KANK4: variants seen among roughly 807,000 people sequenced by gnomAD.
The protein encoded by KANK4 is KN motif and ankyrin repeat domains 4.
Under a neutral mutation model 80.8 loss-of-function variants are expected in KANK4, and 50 were observed. The observed-to-expected ratio is 0.62, with a 90% CI of 0.49 to 0.78. KANK4 has a LOEUF of 0.78. KANK4 is among the 30% of genes least tolerant of loss of function. KANK4 has a pLI of 0.00. For missense variants in KANK4, 1,196 were observed against 1,240.1 expected (o/e 0.96, Z 0.53); for synonymous variants, 465 against 506.9 (o/e 0.92, Z 1.11).
intron 6 of KANK4, among the ~76,000 whole-genome samples, chr1:62,263,700 C>T (rs1340246184): frequency 6.6e-6 from 1 of 152,202 alleles, no homozygotes; most frequent in Non-Finnish European, 1.5e-5. Context: ...TGACCTTTCC[C>T]CAGACTCTAT....
chr1:62,302,198 G>A (rs755075606), intron 1 of KANK4, among the ~76,000 whole-genome samples: 14 of 152,040 alleles, frequency 9.2e-5, no homozygotes, highest in Non-Finnish European at 1.6e-4. Context: ...CTGTTTTCCA[G>A]TGCAATTCAG....
At chr1:62,295,879 T>C (rs1644359254) in intron 1 of KANK4, among the ~76,000 whole-genome samples, 1 of 152,224 alleles carries the variant, frequency 6.6e-6, no homozygotes, top group Non-Finnish European at 1.5e-5. Flanking sequence ...GATCTTTGCT[T>C]GCAGCCTCTG....
At chr1:62,253,427 TG>T (rs1368138129) in intron 7 of KANK4, among the ~76,000 whole-genome samples, 63 of 148,160 alleles carry the variant, frequency 4.3e-4, no homozygotes, top group Admixed American at 1.4e-3. Flanking sequence ...TTTTTTTTTT[TG>T]AGACAGAGTC....
chr1:62,250,054 T>C (rs1306349644), intron 8 of KANK4, among the ~76,000 whole-genome samples: 1 of 151,628 alleles, frequency 6.6e-6, no homozygotes, highest in Non-Finnish European at 1.5e-5. Flanking sequence ...GGCGTGATCT[T>C]GGCTCACTGC....
At chr1:62,318,919 G>T (rs1318642368) in intron 1 of KANK4, among the ~76,000 whole-genome samples, 187 bp downstream of exon 1, 1 of 152,194 alleles carries the variant, frequency 6.6e-6, no homozygotes, top group Non-Finnish European at 1.5e-5. Context: ...GCGCCAGGTC[G>T]GCCCAAGCTG....
At chr1:62,268,585 C>CT in intron 4 of KANK4, 80 bp from the exon 5 acceptor site, 2 of 1,131,420 alleles carry the variant, frequency 1.8e-6, no homozygotes, top group Non-Finnish European at 2.6e-6. Context: ...CTGGGTGGGC[C>CT]TCGGGTAACA....
intron 1 of KANK4, among the ~76,000 whole-genome samples, chr1:62,302,605 A>C (rs1251522498): frequency 6.6e-6 from 1 of 152,052 alleles, no homozygotes; most frequent in Non-Finnish European, 1.5e-5. Flanking sequence ...ATGTCCTCAT[A>C]AAAAAGTCCC....
intron 1 of KANK4, among the ~76,000 whole-genome samples, chr1:62,309,629 G>A (rs113492281): frequency 0.011 from 1,636 of 152,224 alleles, 21 homozygotes; most frequent in African/African-American, 0.037. Context: ...GGCTTTAAGT[G>A]CACTATCTCA....
chr1:62,239,081 AT>A (rs1271045401), intron 9 of KANK4, among the ~76,000 whole-genome samples: 3 of 120,802 alleles, frequency 2.5e-5, no homozygotes, highest in African/African-American at 9.6e-5. Flanking sequence ...TTTTTTTTTA[AT>A]TTTTTAAACC....
At chr1:62,260,558 A>ACACC (rs548224587) in intron 7 of KANK4, among the ~76,000 whole-genome samples, 60 of 152,198 alleles carry the variant, frequency 3.9e-4, no homozygotes, top group African/African-American at 1.4e-3. Context: ...TTCAGCCAAG[A>ACACC]CACCCCATCG....
chr1:62,277,602 T>C (rs1158612561), intron 2 of KANK4, among the ~76,000 whole-genome samples: 1 of 152,202 alleles, frequency 6.6e-6, no homozygotes, highest in African/African-American at 2.4e-5. Context: ...GGAAGCCAGC[T>C]GCCGTGTAAT....
intron 9 of KANK4, among the ~76,000 whole-genome samples, chr1:62,245,328 G>GAA (rs1316746509): frequency 6.6e-6 from 1 of 152,174 alleles, no homozygotes; most frequent in Non-Finnish European, 1.5e-5. Flanking sequence ...TCTTAGAAAT[G>GAA]GCTTTGGGGT....
At chr1:62,298,178 T>A (rs1644383009) in intron 1 of KANK4, 1 of 152,202 alleles carries the variant, frequency 6.6e-6, no homozygotes, top group Non-Finnish European at 1.5e-5. Context: ...TGAATTTTTG[T>A]GTCATTCCTT....
At chr1:62,314,923 C>T (rs1056852227) in intron 1 of KANK4, among the ~76,000 whole-genome samples, 4 of 152,318 alleles carry the variant, frequency 2.6e-5, no homozygotes, top group Non-Finnish European at 4.4e-5. Flanking sequence ...CTTCTTCAGA[C>T]GCCACCAATC....
chr1:62,265,473 C>T (rs1319445386), intron 6 of KANK4, among the ~76,000 whole-genome samples: 1 of 152,114 alleles, frequency 6.6e-6, no homozygotes, highest in Non-Finnish European at 1.5e-5. Flanking sequence ...AACTCCTGGG[C>T]TCAAGTGATC....
chr1:62,273,290 C>G lies in KANK4; in HGVS notation c.1814G>C (p.Ser605Thr). The change falls in exon 3 of 10, where the codon AGC (serine) becomes ACC (threonine). Residue 605 changes from serine (S) to threonine (T), a missense_variant. Coordinates refer to ENST00000371153, the MANE Select transcript of KANK4 (RefSeq NM_181712.5). ...GGCCGACAGCAGCAGGTTGAGGGAG[C>G]TCAGCAGCTGGCTCTGGATGCTGCT... Reference protein sequence around the residue: ...KLSSIQSQLLSSLNLLLSAYS... With the variant: ...KLSSIQSQLLTSLNLLLSAYS... The G allele has an allele frequency of 6.3e-7, 1 of 1,590,746 alleles. No individual in the cohort carries two copies. Among genetic ancestry groups the G allele is most frequent in the Non-Finnish European group, 8.6e-7 (1 of 1,164,960 alleles).
At chr1:62,291,902 C>A (rs182596586) in intron 1 of KANK4, among the ~76,000 whole-genome samples, 51 of 152,278 alleles carry the variant, frequency 3.3e-4, no homozygotes, top group Middle Eastern at 3.4e-3. Context: ...CTACCATACT[C>A]AGACAACTTT....
At chr1:62,290,862 A>G (rs535195849) in intron 1 of KANK4, among the ~76,000 whole-genome samples, 1 of 151,836 alleles carries the variant, frequency 6.6e-6, no homozygotes, top group African/African-American at 2.4e-5. Context: ...CTCCTGCCTC[A>G]GTCTCCCAAA....
chr1:62,277,001 C>A (rs558611462), intron 2 of KANK4, among the ~76,000 whole-genome samples: 65 of 152,108 alleles, frequency 4.3e-4, no homozygotes, highest in Non-Finnish European at 7.9e-4. Context: ...GTTAAAATTA[C>A]AAAATAGCTG....
Sources: gnomAD v4.1 joint callset for allele counts (sites outside exome capture counted in the v4.1 genomes callset) on GRCh38, gnomAD v4.1.1 for gene constraint, MANE v1.5 for transcripts, NCBI Gene and HGNC (gene_info 2026-07-23, HGNC 2026-07-21) for gene names.